DOCK1: variants seen among roughly 807,000 people sequenced by gnomAD.
The protein encoded by DOCK1 is dedicator of cytokinesis 1.
Under a neutral mutation model 262.7 loss-of-function variants are expected in DOCK1, and 138 were observed. The ratio of observed to expected loss-of-function variants is 0.53; its 90% CI spans 0.46 to 0.61. The LOEUF is 0.61. DOCK1 is among the 20% of genes least tolerant of loss of function. The pLI is 0.00. For synonymous variants in DOCK1, 866 were observed against 867.4 expected (o/e 1.00, Z 0.03); for missense variants, 1,908 against 2,370.7 (o/e 0.80, Z 4.05).
At chr10:126,914,822 G>A (rs934667186) in intron 1 of DOCK1, among the ~76,000 whole-genome samples, 1 of 152,232 alleles carries the variant, frequency 6.6e-6, no homozygotes, top group Non-Finnish European at 1.5e-5. Context: ...TTGTGTCAAA[G>A]TGGGCGGTGG....
At chr10:127,373,646 T>C (rs574483618) in intron 33 of DOCK1, 135 bp from the exon 34 acceptor site, 22 of 777,356 alleles carry the variant, frequency 2.8e-5, no homozygotes, top group Non-Finnish European at 3.8e-5. Flanking sequence ...TTGGCAACTC[T>C]TAAATGAGGC....
chr10:126,948,530 C>T (rs1250604464), intron 1 of DOCK1, among the ~76,000 whole-genome samples: 2 of 151,792 alleles, frequency 1.3e-5, no homozygotes, highest in Non-Finnish European at 2.9e-5. Context: ...TTGAGGGCAT[C>T]TGGATGAACC....
intron 21 of DOCK1, among the ~76,000 whole-genome samples, chr10:127,045,869 C>T (rs1016649370): frequency 1.3e-5 from 2 of 152,158 alleles, no homozygotes; most frequent in African/African-American, 2.4e-5. Flanking sequence ...ATCTGCTCCG[C>T]CCCCTCTAGC....
intron 12 of DOCK1, among the ~76,000 whole-genome samples, chr10:127,018,278 C>T (rs1591676457): frequency 1.3e-5 from 2 of 152,136 alleles, no homozygotes; most frequent in East Asian, 1.9e-4. Context: ...GATGGGTTCT[C>T]GAAGCTACGA....
At chr10:127,391,289 C>T (rs558052341) in intron 38 of DOCK1, among the ~76,000 whole-genome samples, 19 of 152,138 alleles carry the variant, frequency 1.2e-4, no homozygotes, top group East Asian at 3.9e-4. Context: ...CAGTTACCAG[C>T]GGGAACCTGG....
intron 29 of DOCK1, among the ~76,000 whole-genome samples, chr10:127,315,904 G>T (rs1564986427): frequency 6.6e-6 from 1 of 152,040 alleles, no homozygotes; most frequent in Non-Finnish European, 1.5e-5. Context: ...TCACCATGTT[G>T]CCCAGGCTGG....
chr10:126,983,016 A>G (rs913031465), intron 4 of DOCK1, among the ~76,000 whole-genome samples: 4 of 152,246 alleles, frequency 2.6e-5, no homozygotes, highest in African/African-American at 9.6e-5. Flanking sequence ...AATAAAGTGA[A>G]CAACAGGTTA....
intron 23 of DOCK1, among the ~76,000 whole-genome samples, chr10:127,077,625 G>C (rs575679479): frequency 6.6e-6 from 1 of 152,076 alleles, no homozygotes; most frequent in Non-Finnish European, 1.5e-5. Flanking sequence ...TTATGGACTC[G>C]TACTGGGCAG....
chr10:127,078,014 CT>C (rs2046671076), intron 23 of DOCK1, among the ~76,000 whole-genome samples: 4 of 151,996 alleles, frequency 2.6e-5, no homozygotes, highest in Admixed American at 2.6e-4. Context: ...CGTTCCACCC[CT>C]GGTATTCAGA....
At chr10:127,250,434 G>A (rs927511403) in intron 28 of DOCK1, among the ~76,000 whole-genome samples, 4 of 150,502 alleles carry the variant, frequency 2.7e-5, no homozygotes, top group Non-Finnish European at 5.9e-5. Context: ...CCCAGGGGAT[G>A]TTTTTCCATA....
At chr10:127,022,827 T>C (rs1244934804) in intron 13 of DOCK1, among the ~76,000 whole-genome samples, 1 of 152,188 alleles carries the variant, frequency 6.6e-6, no homozygotes, top group Non-Finnish European at 1.5e-5. Context: ...TACTGAGGAC[T>C]CAGACAGCCG....
At position 126,996,902 on chromosome 10, in the gene DOCK1, T is replaced by A. The variant is rs2040237662; in HGVS notation, c.609+19T>A. 6.4e-7 allele frequency: 1 copy of A among 1,566,816 alleles called. No individual in the cohort carries two copies. Among genetic ancestry groups the A allele is most frequent in the Admixed American group, 2.0e-5 (1 of 49,166 alleles). On this transcript the variant is annotated intron_variant, in intron 7 of 51. Coordinates refer to ENST00000623213, the MANE Select transcript of DOCK1 (RefSeq NM_001290223.2). Reference sequence around the variant, plus strand: ...GGAAAAAGTAAGTTTGACTCTGTCATATGCCATTCACGTTTTCTCAGTAAT... The same window carrying A: ...GGAAAAAGTAAGTTTGACTCTGTCAAATGCCATTCACGTTTTCTCAGTAAT...
intron 29 of DOCK1, among the ~76,000 whole-genome samples, chr10:127,327,243 A>G (rs550114001): frequency 6.6e-6 from 1 of 152,366 alleles, no homozygotes; most frequent in African/African-American, 2.4e-5. Context: ...TGAAAGTCCT[A>G]GATGACATAT....
intron 29 of DOCK1, 140 bp from the exon 30 acceptor site, chr10:127,338,866 G>A: frequency 1.6e-6 from 1 of 639,686 alleles, no homozygotes; most frequent in Non-Finnish European, 2.6e-6. Flanking sequence ...TCTTTTCGTT[G>A]GCAAAACCTC....
chr10:127,241,887 C>A (rs1337064114), intron 27 of DOCK1, among the ~76,000 whole-genome samples: 1 of 152,160 alleles, frequency 6.6e-6, no homozygotes, highest in Non-Finnish European at 1.5e-5. Flanking sequence ...CCTCACTGGA[C>A]ATGCTGGGCA....
chr10:127,234,806 T>C (rs7098854), intron 27 of DOCK1, among the ~76,000 whole-genome samples: 41,187 of 151,530 alleles, frequency 0.27, 5,930 homozygotes, highest in South Asian at 0.41. Flanking sequence ...TGTTTCTATA[T>C]AAGTGTAAGA....
intron 1 of DOCK1, among the ~76,000 whole-genome samples, chr10:126,967,779 T>C (rs2037784356): frequency 1.3e-5 from 2 of 152,186 alleles, no homozygotes; most frequent in African/African-American, 2.4e-5. Flanking sequence ...CCCACCTGGA[T>C]TGATCCAGGA....
At chr10:127,386,416 C>A (rs1470009191) in intron 38 of DOCK1, among the ~76,000 whole-genome samples, 1 of 151,688 alleles carries the variant, frequency 6.6e-6, no homozygotes, top group African/African-American at 2.4e-5. Flanking sequence ...GCAAGCAAAG[C>A]TTCATCTGTG....
chr10:126,947,197 T>C (rs1006681160), intron 1 of DOCK1, among the ~76,000 whole-genome samples: 1 of 151,436 alleles, frequency 6.6e-6, no homozygotes, highest in East Asian at 1.9e-4. Flanking sequence ...CAGGGCAGAA[T>C]AAAGTTTACC....
Sources: allele counts gnomAD v4.1 joint callset (sites outside exome capture counted in the v4.1 genomes callset), GRCh38; gene constraint gnomAD v4.1.1; transcripts MANE v1.5; gene names NCBI Gene and HGNC (gene_info 2026-07-23, HGNC 2026-07-21).